The following RGS6 variants were observed in gnomAD, a reference collection of about 807,000 sequenced individuals.
The protein encoded by RGS6 is regulator of G protein signaling 6, also known as regulator of G-protein signaling 6.
In RGS6, 30 loss-of-function variants were observed where a neutral mutation model predicts 78.5. That is an observed-to-expected ratio of 0.38 (90% CI 0.29 to 0.52). The LOEUF (loss-of-function observed/expected upper bound fraction) is 0.52, where lower values mean the gene tolerates loss of function less well. Among genes scored for constraint, RGS6 ranks in the 20% least tolerant of loss-of-function variants. The pLI, the probability that RGS6 is intolerant of heterozygous loss-of-function variation, is 0.85. For missense variants in RGS6, 495 were observed against 609.7 expected, an observed-to-expected ratio of 0.81 and a Z score of 1.98; for synonymous variants, 206 against 206.0, an observed-to-expected ratio of 1.00 and a Z score of 0.00.
chr14:72,240,456 G>T (rs992633327), intron 2 of RGS6, among the ~76,000 whole-genome samples: 6 of 152,208 alleles, frequency 3.9e-5, no homozygotes, highest in Non-Finnish European at 7.3e-5. Context: ...AAGCTGAGCT[G>T]CAGTGTAAAG....
intron 2 of RGS6, among the ~76,000 whole-genome samples, chr14:72,328,816 A>C (rs2074358760): frequency 1.3e-5 from 2 of 152,226 alleles, no homozygotes; most frequent in South Asian, 4.1e-4. Flanking sequence ...AATCTTACTG[A>C]GAAAAATGTG....
intron 2 of RGS6, among the ~76,000 whole-genome samples, chr14:72,212,711 C>G (rs1477392172): frequency 2.0e-5 from 3 of 152,144 alleles, no homozygotes; most frequent in Admixed American, 2.0e-4. Context: ...TCAGTAAATG[C>G]CCTCTAGGAG....
intron 3 of RGS6, among the ~76,000 whole-genome samples, chr14:72,406,289 C>T (rs1195612566): frequency 6.6e-6 from 1 of 151,980 alleles, no homozygotes; most frequent in Non-Finnish European, 1.5e-5. Context: ...GAGGCTGAGG[C>T]AGGAGAATTG....
At chr14:72,603,067 T>C in the RGS6 span, among the ~76,000 whole-genome samples, 2 of 152,238 alleles carry the variant, frequency 1.3e-5, no homozygotes, top group Admixed American at 1.3e-4. Context: ...TGAATGCCTG[T>C]TTAGGGACTA....
chr14:72,509,459 G>A (rs2096852535), intron 13 of RGS6, among the ~76,000 whole-genome samples: 1 of 151,964 alleles, frequency 6.6e-6, no homozygotes, highest in South Asian at 2.1e-4. Context: ...GTATTCTTAG[G>A]CAAACTACCA....
At chr14:72,484,114 T>C (rs1027435646) in intron 12 of RGS6, among the ~76,000 whole-genome samples, 1 of 152,220 alleles carries the variant, frequency 6.6e-6, no homozygotes, top group African/African-American at 2.4e-5. Context: ...GTTCAGAAAC[T>C]GCATGTAGCA....
At chr14:72,542,000 G>A (rs2097333905) in intron 17 of RGS6, among the ~76,000 whole-genome samples, 1 of 152,202 alleles carries the variant, frequency 6.6e-6, no homozygotes, top group South Asian at 2.1e-4. Context: ...ACCCCTAAGT[G>A]TCTGAAGTGC....
intron 8 of RGS6, among the ~76,000 whole-genome samples, chr14:72,470,614 A>G (rs1264111661): frequency 6.6e-6 from 1 of 151,876 alleles, no homozygotes; most frequent in Non-Finnish European, 1.5e-5. Flanking sequence ...ATGGTGGCTC[A>G]TGCCTGTAAT....
intron 3 of RGS6, among the ~76,000 whole-genome samples, chr14:72,410,482 G>A (rs2093327161): frequency 6.6e-6 from 1 of 152,134 alleles, no homozygotes; most frequent in African/African-American, 2.4e-5. Flanking sequence ...TTTGTCAGAT[G>A]AATAGGTTGC....
chr14:71,891,432 C>G, the RGS6 span, among the ~76,000 whole-genome samples: 1 of 152,160 alleles, frequency 6.6e-6, no homozygotes, highest in Non-Finnish European at 1.5e-5. Context: ...ACAAGGGCAC[C>G]TACACTTGGC....
intron 3 of RGS6, among the ~76,000 whole-genome samples, chr14:72,415,321 G>T (rs1233600118): frequency 6.7e-6 from 1 of 149,210 alleles, no homozygotes; most frequent in Non-Finnish European, 1.5e-5. Flanking sequence ...AGCTCCGTGG[G>T]CATAGGACTC....
chr14:72,558,965 G>C (rs772855646), intron 17 of RGS6, among the ~76,000 whole-genome samples: 2 of 152,104 alleles, frequency 1.3e-5, no homozygotes, highest in Non-Finnish European at 2.9e-5. Flanking sequence ...AGCTGGCTGC[G>C]GTTTCCTGGC....
At chr14:72,179,194 C>T (rs1260097716) in intron 2 of RGS6, among the ~76,000 whole-genome samples, 4 of 152,200 alleles carry the variant, frequency 2.6e-5, no homozygotes, top group African/African-American at 4.8e-5. Flanking sequence ...AGGTCTTTTT[C>T]TGTATTGTGC....
At chr14:72,119,314 G>A (rs2095988492) in intron 2 of RGS6, among the ~76,000 whole-genome samples, 1 of 152,168 alleles carries the variant, frequency 6.6e-6, no homozygotes, top group South Asian at 2.1e-4. Context: ...GAGGATTTAG[G>A]AAGCACGTTT....
At chr14:72,405,683 C>T (rs990319183) in intron 3 of RGS6, among the ~76,000 whole-genome samples, 5 of 152,340 alleles carry the variant, frequency 3.3e-5, no homozygotes, top group African/African-American at 1.2e-4. Flanking sequence ...TGTCATCACA[C>T]ATAAGTTCAC....
chr14:72,349,010 C>T (rs1409907884), intron 2 of RGS6, among the ~76,000 whole-genome samples: 1 of 151,566 alleles, frequency 6.6e-6, no homozygotes, highest in Admixed American at 6.6e-5. Context: ...ACTAAAAATA[C>T]AAAAAATTAG....
At chr14:71,990,648 T>G (rs2238275) in intron 2 of RGS6, 32,213 of 455,880 alleles carry the variant, frequency 0.071, 1,656 homozygotes, top group East Asian at 0.21. Context: ...CGGGGCAGCT[T>G]CTTCTGCCCA....
chr14:72,490,483 A>G (rs530631052), intron 12 of RGS6, among the ~76,000 whole-genome samples: 1 of 152,344 alleles, frequency 6.6e-6, no homozygotes, highest in East Asian at 1.9e-4. Context: ...CAGGAGATTT[A>G]TAGGACAGAG....
chr14:72,109,631 A>G (rs2095709057), intron 2 of RGS6, among the ~76,000 whole-genome samples: 1 of 152,216 alleles, frequency 6.6e-6, no homozygotes. Flanking sequence ...CAATACAGAA[A>G]TAAACATGGT....
Sources: allele counts gnomAD v4.1 joint callset (sites outside exome capture counted in the v4.1 genomes callset), GRCh38; gene constraint gnomAD v4.1.1; transcripts MANE v1.5; gene names NCBI Gene and HGNC (gene_info 2026-07-23, HGNC 2026-07-21).